HEATR5B: variants seen among roughly 807,000 people sequenced by gnomAD.
HEATR5B encodes the protein HEAT repeat-containing protein 5B.
HEATR5B carries 156 observed loss-of-function variants against 224.1 expected under a neutral mutation model. The observed-to-expected ratio is 0.70, with a 90% CI of 0.61 to 0.80. The LOEUF (loss-of-function observed/expected upper bound fraction) is 0.80. Ranked by LOEUF, HEATR5B falls within the 30% of genes least tolerant of loss-of-function variation. HEATR5B has a pLI of 0.00. For missense variants in HEATR5B, 2,323 were observed against 2,535.5 expected (o/e 0.92, Z 1.80); for synonymous variants, 1,027 against 893.0 (o/e 1.15, Z -2.68).
chr2:37,078,070 G>A (rs1672343142), intron 3 of HEATR5B, among the ~76,000 whole-genome samples: 1 of 152,236 alleles, frequency 6.6e-6, no homozygotes, highest in Non-Finnish European at 1.5e-5. Context: ...TAGCAGACCT[G>A]TGCCTAAATC....
At chr2:37,026,932 G>C (rs981873014) in intron 24 of HEATR5B, among the ~76,000 whole-genome samples, 1 of 152,152 alleles carries the variant, frequency 6.6e-6, no homozygotes, top group Non-Finnish European at 1.5e-5. Flanking sequence ...CTGAGTAGCT[G>C]GGACTACAGG....
rs1469649584 is a variant in HEATR5B at position 37,072,546 on chromosome 2, GA to G, written c.598-266del. ...CATGTAACACTAAACCACCACATTA[GA>G]AAAGAAGAAGGGTCTCAAATCAATA... On this transcript the variant is annotated intron_variant, in intron 5 of 35. Coordinates refer to ENST00000233099, the MANE Select transcript of HEATR5B (RefSeq NM_019024.3). Among the ~76,000 whole-genome samples, 9 of 152,122 alleles carry G rather than the reference GA, an allele frequency of 5.9e-5. No individual in the cohort carries two copies. In the East Asian group the frequency reaches 1.7e-3, roughly 29 times the overall value.
At chr2:36,990,536 T>C (rs1032407124) in intron 34 of HEATR5B, 112 bp downstream of exon 34, 8 of 935,314 alleles carry the variant, frequency 8.6e-6, no homozygotes, top group African/African-American at 1.6e-5. Flanking sequence ...TTAAAAGCCA[T>C]AGTGCAAATA....
In HEATR5B at chr2:37,007,038, T is replaced by G. The variant is rs756797780; in HGVS notation, c.4777+12A>C. ...GTGATAATCTTGAAATATATTAATA[T>G]GACAGACCTACCTAAAATCAGATGC... is the stretch of plus-strand genomic sequence containing the variant. On this transcript the variant is annotated intron_variant, in intron 29 of 35. Transcript: ENST00000233099. 6.2e-7 allele frequency: 1 copy of G among 1,612,022 alleles called. No homozygotes were observed. Among genetic ancestry groups the G allele is most frequent in the Non-Finnish European group, 8.5e-7 (1 of 1,178,130 alleles).
Position 36,990,750 on chromosome 2 carries a change from T to G in HEATR5B, c.5595A>C (p.Ala1865=). The G allele has an allele frequency of 6.2e-7, 1 of 1,610,724 alleles. No homozygotes were observed. The change falls in exon 34 of 36, where the codon GCA becomes GCC. Residue 1865 remains alanine, a synonymous_variant. Coordinates refer to ENST00000233099, the MANE Select transcript of HEATR5B (RefSeq NM_019024.3). ...CATTACTAGCAGACCACAGGAAGAG[T>G]GCAATTGCTGTTAGCATGCTTACTT... ...PDEVSMLTAI[A]LFLWSASNEI...
intron 11 of HEATR5B, 112 bp downstream of exon 11, chr2:37,061,827 A>T: frequency 1.6e-6 from 1 of 630,802 alleles, no homozygotes; most frequent in Non-Finnish European, 2.8e-6. Flanking sequence ...CACCATTTTT[A>T]CAACTTCAAT....
intron 21 of HEATR5B, among the ~76,000 whole-genome samples, chr2:37,037,159 T>TATATATATATATATATA (rs1448007926): frequency 1.6e-4 from 22 of 139,228 alleles, no homozygotes; most frequent in South Asian, 2.4e-4. Flanking sequence ...TATATATATA[T>TATATATATATATATATA]TTTGGAGATG....
intron 5 of HEATR5B, among the ~76,000 whole-genome samples, chr2:37,073,160 T>A (rs936180703): frequency 1.3e-5 from 2 of 152,178 alleles, no homozygotes; most frequent in African/African-American, 4.8e-5. Flanking sequence ...AGAAACTACA[T>A]ACCCATATCC....
chr2:37,023,292 G>A (rs917836667), intron 24 of HEATR5B, among the ~76,000 whole-genome samples: 4 of 152,014 alleles, frequency 2.6e-5, no homozygotes, highest in Admixed American at 2.0e-4. Flanking sequence ...AGTTCTTCAG[G>A]AGGCTTCAAA....
intron 26 of HEATR5B, 23 bp downstream of exon 26, chr2:37,019,786 C>T (rs1668354494): frequency 2.6e-6 from 4 of 1,513,586 alleles, no homozygotes; most frequent in Non-Finnish European, 3.7e-6. Context: ...GACAACTATA[C>T]AAAGTCCCAT....
chr2:37,007,097 G>A lies in HEATR5B; in HGVS notation c.4730C>T (p.Ala1577Val), dbSNP rs1454642872. 4 of 1,614,064 alleles carry A rather than the reference G, an allele frequency of 2.5e-6. No individual in the cohort carries two copies. The highest frequency in any genetic ancestry group is 2.5e-6 in the Non-Finnish European group (3 of 1,179,964). Residue 1577 changes from alanine (A) to valine (V), a missense_variant, in exon 29 of 36, where the codon GCT becomes GTT. By Grantham distance (64) the Ala-to-Val change is moderately conservative. This residue lies in a region of HEATR5B where 844 missense variants were observed against 812.9 expected (regional missense o/e 1.04). Transcript: ENST00000233099. ...TTTGTTAATTTCTGGCAAAGATTTAGCACTACCCACTGCTCCTGATGCCTG... is the reference window on the plus strand; with the variant it reads ...TTTGTTAATTTCTGGCAAAGATTTAACACTACCCACTGCTCCTGATGCCTG... ...LNQASGAVGS[A>V]KSLPEINKDR...
chr2:37,027,238 T>G (rs1668837060), intron 24 of HEATR5B, among the ~76,000 whole-genome samples: 1 of 152,226 alleles, frequency 6.6e-6, no homozygotes, highest in African/African-American at 2.4e-5. Context: ...AAAAAATGAC[T>G]GGGTGATGAA....
At chr2:37,016,617 T>C (rs1008007170) in intron 26 of HEATR5B, among the ~76,000 whole-genome samples, 2 of 152,198 alleles carry the variant, frequency 1.3e-5, no homozygotes, top group South Asian at 2.1e-4. Context: ...TAATGCTACA[T>C]TCTCACTTAG....
intron 27 of HEATR5B, among the ~76,000 whole-genome samples, chr2:37,009,088 T>C (rs577220594): frequency 6.6e-6 from 1 of 151,530 alleles, no homozygotes; most frequent in South Asian, 2.1e-4. Context: ...TGAAACCCTG[T>C]CTCTACGAAA....
intron 35 of HEATR5B, among the ~76,000 whole-genome samples, chr2:36,983,468 G>T (rs1229856374): frequency 6.6e-6 from 1 of 152,180 alleles, no homozygotes; most frequent in Non-Finnish European, 1.5e-5. Context: ...GAATCTGGAA[G>T]GCGGAGGTTG....
At chr2:37,065,974 T>A in intron 8 of HEATR5B, 64 bp from the exon 9 acceptor site, 1 of 1,456,384 alleles carries the variant, frequency 6.9e-7, no homozygotes, top group East Asian at 2.3e-5. Flanking sequence ...TTTTTTGGTC[T>A]ATACAATTTA....
intron 18 of HEATR5B, among the ~76,000 whole-genome samples, chr2:37,047,427 C>G (rs977393605): frequency 2.6e-5 from 4 of 152,098 alleles, no homozygotes; most frequent in Non-Finnish European, 2.9e-5. Context: ...GTTATTATTT[C>G]TCAAAAAGTA....
intron 22 of HEATR5B, among the ~76,000 whole-genome samples, chr2:37,031,674 T>C (rs935426577): frequency 6.6e-6 from 1 of 152,154 alleles, no homozygotes; most frequent in African/African-American, 2.4e-5. Context: ...TAAACTTCTT[T>C]AATATTCTAC....
rs117015729 is a variant in HEATR5B at position 37,032,153 on chromosome 2, C to T, written c.3361+476G>A. On this transcript the variant is annotated intron_variant, in intron 22 of 35. Coordinates refer to ENST00000233099, the MANE Select transcript of HEATR5B (RefSeq NM_019024.3). ...AAACCTTCAAGTGCCCCTGAAACATCCTCAAGAAATGGCAGAAATATTCTG... is the reference window on the plus strand; with the variant it reads ...AAACCTTCAAGTGCCCCTGAAACATTCTCAAGAAATGGCAGAAATATTCTG... Among the ~76,000 whole-genome samples the T allele has an allele frequency of 3.0e-4, 45 of 152,288 alleles. No homozygotes were observed. In the East Asian group the frequency reaches 8.1e-3, roughly 27 times the overall value.
Sources: allele counts gnomAD v4.1 joint callset (sites outside exome capture counted in the v4.1 genomes callset), GRCh38; gene constraint gnomAD v4.1.1; regional missense constraint gnomAD v4.1.1; transcripts MANE v1.5; gene names NCBI Gene and HGNC (gene_info 2026-07-23, HGNC 2026-07-21).